FAT3: variants seen among roughly 807,000 people sequenced by gnomAD.
FAT3 encodes the protein protocadherin Fat 3.
A neutral mutation model predicts 310.2 loss-of-function variants in FAT3; 95 were observed. That is an observed-to-expected ratio of 0.31 (90% CI 0.26 to 0.36). FAT3 has a LOEUF of 0.36. Among genes scored for constraint, FAT3 ranks in the 10% least tolerant of loss-of-function variants. The pLI, the probability that FAT3 is intolerant of heterozygous loss-of-function variation, is 1.00. For synonymous variants in FAT3, 2,314 were observed against 2,192.9 expected (o/e 1.06, Z -1.54); for missense variants, 5,408 against 5,715.6 (o/e 0.95, Z 1.74).
intron 13 of FAT3, among the ~76,000 whole-genome samples, chr11:92,823,708 A>G (rs932115617): frequency 1.3e-5 from 2 of 151,948 alleles, no homozygotes; most frequent in Non-Finnish European, 2.9e-5. Flanking sequence ...GTGTTTTTTG[A>G]CTTCAAAAAA....
chr11:92,484,765 C>G (rs373583602), intron 2 of FAT3, among the ~76,000 whole-genome samples: 5 of 152,198 alleles, frequency 3.3e-5, no homozygotes, highest in African/African-American at 7.2e-5. Flanking sequence ...TCTATATGTT[C>G]GCTTCTACGC....
intron 1 of FAT3, among the ~76,000 whole-genome samples, chr11:92,265,771 C>A (rs1945924843): frequency 6.6e-6 from 1 of 152,024 alleles, no homozygotes. Context: ...CAAGGCAGCT[C>A]TCTGGTGCCT....
chr11:92,351,339 G>T (rs1247166774), intron 1 of FAT3, among the ~76,000 whole-genome samples: 2 of 152,068 alleles, frequency 1.3e-5, no homozygotes, highest in African/African-American at 4.8e-5. Context: ...ATTTTAAAAA[G>T]ATTATAATTA....
intron 1 of FAT3, among the ~76,000 whole-genome samples, chr11:92,345,974 A>C (rs1368549510): frequency 4.6e-5 from 7 of 152,180 alleles, no homozygotes; most frequent in Admixed American, 1.3e-4. Flanking sequence ...TAATGGCATA[A>C]GCTAAATTAT....
At position 92,285,825 on chromosome 11, in the gene FAT3, A is replaced by G. The variant is rs1291639701; in HGVS notation, c.-18+60651A>G. ...TTATGTATCTGTCTATATGTGTTGAATTAAGGTAGCAGAGGGTAGAAATGG... is the reference window on the plus strand; with the variant it reads ...TTATGTATCTGTCTATATGTGTTGAGTTAAGGTAGCAGAGGGTAGAAATGG... On this transcript the variant is annotated intron_variant, in intron 1 of 27. Coordinates refer to ENST00000525166, the MANE Select transcript of FAT3 (RefSeq NM_001367949.2). 3.9e-5 allele frequency among the ~76,000 whole-genome samples: 6 copies of G among 152,172 alleles called. No individual in the cohort carries two copies. In the East Asian group the frequency reaches 1.2e-3, roughly 29 times the overall value.
intron 2 of FAT3, among the ~76,000 whole-genome samples, chr11:92,476,172 G>T (rs1431782719): frequency 2.0e-5 from 3 of 152,028 alleles, no homozygotes; most frequent in East Asian, 3.9e-4. Flanking sequence ...CAAATACTGA[G>T]AAAATGACTT....
chr11:92,762,199 G>A (rs2136086912), intron 5 of FAT3, 29 bp downstream of exon 5: 1 of 1,577,828 alleles, frequency 6.3e-7, no homozygotes. Context: ...CAGCAGCACA[G>A]CAGATGGGGG....
intron 3 of FAT3, among the ~76,000 whole-genome samples, chr11:92,570,052 G>A (rs180920876): frequency 6.6e-6 from 1 of 152,300 alleles, no homozygotes; most frequent in East Asian, 1.9e-4. Context: ...GATGAGAACT[G>A]AGGTCAGTGT....
Position 92,767,890 on chromosome 11 carries a change from C to A in FAT3, c.4195+2801C>A, listed in dbSNP as rs532486370. Among the ~76,000 whole-genome samples, 375 of 152,290 alleles carry A rather than the reference C, an allele frequency of 2.5e-3. 3 individuals are homozygous for A. Among genetic ancestry groups the A allele is most frequent in the South Asian group, 0.019 (90 of 4,820 alleles). ...CCAGGCAGCCACTATGCTAACCCTA[C>A]TGATGCCTCCTGGAACCTACTCAGA... is the stretch of plus-strand genomic sequence containing the variant. On this transcript the variant is annotated intron_variant, in intron 6 of 27. Coordinates refer to ENST00000525166, the MANE Select transcript of FAT3 (RefSeq NM_001367949.2).
chr11:92,657,624 G>A lies in FAT3; in HGVS notation c.3608-39760G>A, dbSNP rs1397018655. Among the ~76,000 whole-genome samples, 5 of 152,218 alleles carry A rather than the reference G, an allele frequency of 3.3e-5. No homozygotes were observed. In the East Asian group the frequency reaches 9.6e-4, roughly 29 times the overall value. ...GAAGCCCTCCCAGATGAGTTACACAGCATTTTGTCATTTGAACAACTAGGA... is the reference window on the plus strand; with the variant it reads ...GAAGCCCTCCCAGATGAGTTACACAACATTTTGTCATTTGAACAACTAGGA... On this transcript the variant is annotated intron_variant, in intron 3 of 27. Coordinates refer to ENST00000525166, the MANE Select transcript of FAT3 (RefSeq NM_001367949.2).
In FAT3 at chr11:92,890,537, G is replaced by A. The variant is rs147702453; in HGVS notation, c.13194G>A (p.Ser4398=). 1.9e-4 allele frequency: 305 copies of A among 1,611,560 alleles called. No homozygotes were observed. In the African/African-American group the frequency reaches 3.4e-3, roughly 18 times the overall value. Residue 4398 remains serine (S), a synonymous_variant, in exon 28 of 28, where the codon TCG becomes TCA. Transcript: ENST00000525166. ...TSDWMPGARL[S]DIEEVPNYEN... ...ATTGGATGCCAGGGGCCCGCCTGTCGGACATAGAGGAAGTGCCCAACTATG... is the reference window on the plus strand; with the variant it reads ...ATTGGATGCCAGGGGCCCGCCTGTCAGACATAGAGGAAGTGCCCAACTATG...
intron 3 of FAT3, among the ~76,000 whole-genome samples, chr11:92,565,394 A>C (rs1955393371): frequency 7.8e-6 from 1 of 128,460 alleles, no homozygotes; most frequent in South Asian, 3.1e-4. Context: ...GGCAATAATC[A>C]ATAGCTTACC....
chr11:92,490,247 C>G (rs986363711), intron 2 of FAT3, among the ~76,000 whole-genome samples: 2 of 152,162 alleles, frequency 1.3e-5, no homozygotes, highest in Non-Finnish European at 1.5e-5. Flanking sequence ...ATGGTCTCTA[C>G]TGTCTTTCTA....
chr11:92,452,715 TG>T (rs1397033180), intron 2 of FAT3, among the ~76,000 whole-genome samples: 1 of 152,114 alleles, frequency 6.6e-6, no homozygotes. Flanking sequence ...AGTGATTAAG[TG>T]TATCATAAGC....
chr11:92,429,021 T>C (rs948793260), intron 2 of FAT3, among the ~76,000 whole-genome samples: 4 of 152,168 alleles, frequency 2.6e-5, no homozygotes, highest in Non-Finnish European at 4.4e-5. Flanking sequence ...CTAAGTCTCT[T>C]TGTAGGTCTC....
chr11:92,798,765 C>T lies in FAT3; in HGVS notation c.5752C>T (p.Leu1918=), dbSNP rs1316245098. Residue 1918 remains leucine (L), a synonymous_variant, in exon 10 of 28, where the codon CTG becomes TTG. Coordinates refer to ENST00000525166, the MANE Select transcript of FAT3 (RefSeq NM_001367949.2). ...TDPDSEVPPE[L]TYSLMEGSLD... ...TCCTGACTCTGAGGTACCCCCTGAA[C>T]TGACATACAGCCTAATGGAAGGCAG... 1 of 1,613,732 alleles carries T rather than the reference C, an allele frequency of 6.2e-7. No individual in the cohort carries two copies. Among genetic ancestry groups the T allele is most frequent in the Admixed American group, 1.7e-5 (1 of 59,988 alleles).
At position 92,790,144 on chromosome 11, in the gene FAT3, C is replaced by T; in HGVS notation, c.4537C>T (p.Pro1513Ser). 2 of 1,613,740 alleles carry T rather than the reference C, an allele frequency of 1.2e-6. No homozygotes were observed. Among genetic ancestry groups the T allele is most frequent in the Non-Finnish European group, 1.7e-6 (2 of 1,179,700 alleles). The change falls in exon 8 of 28, where the codon CCT becomes TCT. Residue 1513 changes from proline (P) to serine (S), a missense_variant. By Grantham distance (74) the Pro-to-Ser change is moderately conservative. Coordinates refer to ENST00000525166, the MANE Select transcript of FAT3 (RefSeq NM_001367949.2). The part of the protein sequence containing the change: ...SISMRKFRID[P>S]STGVLYTAER... Reference sequence around the variant, plus strand: ...CAGCATGAGAAAATTCCGGATTGACCCTAGCACTGGCGTGCTCTATACTGC... The same window carrying T: ...CAGCATGAGAAAATTCCGGATTGACTCTAGCACTGGCGTGCTCTATACTGC...
intron 22 of FAT3, among the ~76,000 whole-genome samples, chr11:92,867,629 C>T (rs1224685163): frequency 6.6e-6 from 1 of 152,140 alleles, no homozygotes; most frequent in Non-Finnish European, 1.5e-5. Flanking sequence ...GCTGACCAGA[C>T]GTAGACATAA....
chr11:92,519,290 A>G (rs1446630510), intron 2 of FAT3, among the ~76,000 whole-genome samples: 2 of 152,124 alleles, frequency 1.3e-5, no homozygotes, highest in Non-Finnish European at 1.5e-5. Flanking sequence ...GTTCAGTGGA[A>G]AAAGAAGAGT....
Sources: allele counts gnomAD v4.1 joint callset (sites outside exome capture counted in the v4.1 genomes callset), GRCh38; gene constraint gnomAD v4.1.1; transcripts MANE v1.5; gene names NCBI Gene and HGNC (gene_info 2026-07-23, HGNC 2026-07-21).